Variants in SNTB2 observed in about 807,000 individuals in gnomAD.
SNTB2 encodes beta-2-syntrophin.
A neutral mutation model predicts 46.2 loss-of-function variants in SNTB2; 34 were observed. That is an observed-to-expected ratio of 0.74 (90% CI 0.56 to 0.98). SNTB2 has a LOEUF of 0.98. Among genes scored for constraint, SNTB2 ranks in the 50% least tolerant of loss-of-function variants. SNTB2 has a pLI of 0.00. For missense variants in SNTB2, 603 were observed against 731.4 expected (o/e 0.82, Z 2.02); for synonymous variants, 290 against 312.6 (o/e 0.93, Z 0.76).
chr16:69,220,219 TG>T (rs1206378167), intron 1 of SNTB2, among the ~76,000 whole-genome samples: 10 of 140,472 alleles, frequency 7.1e-5, no homozygotes, highest in African/African-American at 1.1e-4. Flanking sequence ...TGGAGTGCAG[TG>T]GCATGATCTC....
chr16:69,299,906 T>G (rs971734828), intron 6 of SNTB2, 132 bp downstream of exon 6: 3 of 1,004,938 alleles, frequency 3.0e-6, no homozygotes, highest in Admixed American at 2.9e-5. Context: ...TTAAAAAAAA[T>G]TTTTTTAAAG....
chr16:69,292,091 T>C (rs1432643178), intron 5 of SNTB2, among the ~76,000 whole-genome samples: 1 of 149,564 alleles, frequency 6.7e-6, no homozygotes, highest in Non-Finnish European at 1.5e-5. Flanking sequence ...TGGTGGCAGG[T>C]GCCTGTGTGG....
At chr16:69,235,269 C>T (rs1294275177) in intron 1 of SNTB2, among the ~76,000 whole-genome samples, 2 of 151,820 alleles carry the variant, frequency 1.3e-5, no homozygotes, top group African/African-American at 4.8e-5. Context: ...TTTGGAACAT[C>T]TTAGCCAGTT....
rs1268803885 is a variant in SNTB2 at position 69,305,599 on chromosome 16, C to A, written c.*4675C>A. ...TATCTATGTAATGAAAAGAGACTTA[C>A]TTAAATTTGGGATTCTGCTTAAACT... is the stretch of plus-strand genomic sequence containing the variant. On this transcript the variant is annotated 3_prime_UTR_variant, in exon 7 of 7. Coordinates refer to ENST00000336278, the MANE Select transcript of SNTB2 (RefSeq NM_006750.4). 1 of 152,186 alleles carries A rather than the reference C, an allele frequency of 6.6e-6. No individual in the cohort carries two copies. The highest frequency in any genetic ancestry group is 1.5e-5 in the Non-Finnish European group (1 of 68,038). 9.4% of individuals were successfully genotyped at this position (152,186 alleles called of 1,614,324 possible). A position where few individuals can be genotyped will look rare whatever the true frequency, so the allele number is the denominator to read the frequency against.
intron 1 of SNTB2, among the ~76,000 whole-genome samples, chr16:69,226,714 A>G (rs1257974668): frequency 6.6e-6 from 1 of 152,098 alleles, no homozygotes; most frequent in Admixed American, 6.6e-5. Flanking sequence ...ATTGTTTTGT[A>G]AAGACGGGGT....
intron 1 of SNTB2, among the ~76,000 whole-genome samples, chr16:69,223,397 G>A (rs558958218): frequency 2.6e-5 from 4 of 151,524 alleles, no homozygotes; most frequent in Non-Finnish European, 5.9e-5. Flanking sequence ...GTTTCGCCAT[G>A]TTGGCCAGGC....
At chr16:69,202,764 T>C (rs1476332120) in intron 1 of SNTB2, among the ~76,000 whole-genome samples, 1 of 151,856 alleles carries the variant, frequency 6.6e-6, no homozygotes, top group Admixed American at 6.6e-5. Flanking sequence ...TTAGTAGAGA[T>C]GGGGTTTCGC....
intron 1 of SNTB2, among the ~76,000 whole-genome samples, chr16:69,210,389 T>C (rs1964271096): frequency 6.6e-6 from 1 of 151,492 alleles, no homozygotes; most frequent in South Asian, 2.1e-4. Context: ...AGGCACGTGC[T>C]GCCATGCCTG....
intron 1 of SNTB2, among the ~76,000 whole-genome samples, chr16:69,195,711 T>C (rs764575800): frequency 6.6e-6 from 1 of 152,086 alleles, no homozygotes; most frequent in Non-Finnish European, 1.5e-5. Context: ...TAAGAAAAAC[T>C]GGAGGGTTCT....
chr16:69,199,878 A>T (rs1178214779), intron 1 of SNTB2, among the ~76,000 whole-genome samples: 4 of 152,084 alleles, frequency 2.6e-5, no homozygotes, highest in African/African-American at 9.7e-5. Context: ...ACTTTTAAAA[A>T]ATGTTTTATT....
intron 1 of SNTB2, among the ~76,000 whole-genome samples, chr16:69,242,770 C>T (rs1964630595): frequency 1.3e-5 from 2 of 152,104 alleles, no homozygotes; most frequent in East Asian, 3.9e-4. Context: ...GCCTGTTATC[C>T]CAGCACTTTG....
chr16:69,223,092 C>G (rs183897634), intron 1 of SNTB2, among the ~76,000 whole-genome samples: 73 of 152,134 alleles, frequency 4.8e-4, no homozygotes, highest in Admixed American at 1.3e-3. Flanking sequence ...TTATTACTTA[C>G]AATTCTTTTG....
intron 4 of SNTB2, among the ~76,000 whole-genome samples, chr16:69,275,453 A>C (rs1964978430): frequency 6.6e-6 from 1 of 152,242 alleles, no homozygotes; most frequent in Admixed American, 6.5e-5. Context: ...AGAATAAAAA[A>C]AGACAGATGA....
chr16:69,281,511 T>C (rs1048316221), intron 4 of SNTB2, among the ~76,000 whole-genome samples: 3 of 151,788 alleles, frequency 2.0e-5, no homozygotes, highest in Non-Finnish European at 4.4e-5. Flanking sequence ...TTTTTTTTTT[T>C]TACATATGGA....
At chr16:69,212,564 C>G (rs1964299361) in intron 1 of SNTB2, among the ~76,000 whole-genome samples, 1 of 152,142 alleles carries the variant, frequency 6.6e-6, no homozygotes, top group Admixed American at 6.6e-5. Flanking sequence ...GTCTCGATCT[C>G]TTGACTTCAT....
At chr16:69,244,489 CACA>C (rs1432684790) in intron 1 of SNTB2, among the ~76,000 whole-genome samples, 1 of 152,152 alleles carries the variant, frequency 6.6e-6, no homozygotes, top group African/African-American at 2.4e-5. Flanking sequence ...ATTACCTATT[CACA>C]GGAGAAACTG....
intron 1 of SNTB2, among the ~76,000 whole-genome samples, chr16:69,228,953 T>G (rs1964482291): frequency 6.6e-6 from 1 of 152,164 alleles, no homozygotes; most frequent in African/African-American, 2.4e-5. Context: ...CTTGTTGCTG[T>G]GCATTAATGA....
chr16:69,213,220 C>T (rs930046471), intron 1 of SNTB2, among the ~76,000 whole-genome samples: 1 of 152,086 alleles, frequency 6.6e-6, no homozygotes, highest in African/African-American at 2.4e-5. Flanking sequence ...TAAAGCAAAG[C>T]ACTTACCTCT....
At chr16:69,292,046 C>T (rs1257473261) in intron 5 of SNTB2, among the ~76,000 whole-genome samples, 10 of 151,656 alleles carry the variant, frequency 6.6e-5, no homozygotes, top group East Asian at 3.9e-4. Context: ...AGTGAAACCT[C>T]GTCTCTACTA....
Sources: gnomAD v4.1 joint callset for allele counts (sites outside exome capture counted in the v4.1 genomes callset) on GRCh38, gnomAD v4.1.1 for gene constraint, MANE v1.5 for transcripts, NCBI Gene and HGNC (gene_info 2026-07-23, HGNC 2026-07-21) for gene names.